UBASH3B: variants seen among roughly 807,000 people sequenced by gnomAD.
UBASH3B encodes ubiquitin-associated and SH3 domain-containing protein B.
A neutral mutation model predicts 83.4 loss-of-function variants in UBASH3B; 37 were observed. The observed-to-expected ratio is 0.44, with a 90% CI of 0.34 to 0.58. UBASH3B has a LOEUF of 0.58. UBASH3B is among the 20% of genes least tolerant of loss of function. The pLI is 0.01. For synonymous variants in UBASH3B, 304 were observed against 318.3 expected, an observed-to-expected ratio of 0.96 and a Z score of 0.48; for missense variants, 657 against 827.2, an observed-to-expected ratio of 0.79 and a Z score of 2.52.
chr11:122,656,679 C>T (rs1863369071), intron 1 of UBASH3B, among the ~76,000 whole-genome samples: 1 of 152,144 alleles, frequency 6.6e-6, no homozygotes, highest in Admixed American at 6.5e-5. Flanking sequence ...GGGAGGCCGG[C>T]GCCCCCGTTG....
chr11:122,760,217 G>A (rs1861347307), intron 1 of UBASH3B, among the ~76,000 whole-genome samples: 1 of 152,200 alleles, frequency 6.6e-6, no homozygotes, highest in Non-Finnish European at 1.5e-5. Flanking sequence ...CGCCTGGCTG[G>A]TAAGGGTGCC....
At chr11:122,702,528 G>GT (rs888469312) in intron 1 of UBASH3B, among the ~76,000 whole-genome samples, 444 of 143,628 alleles carry the variant, frequency 3.1e-3, no homozygotes, top group South Asian at 3.8e-3. Flanking sequence ...AAATCACCAG[G>GT]TTTTTTTTTT....
At chr11:122,732,228 G>A (rs567820526) in intron 1 of UBASH3B, among the ~76,000 whole-genome samples, 1 of 152,286 alleles carries the variant, frequency 6.6e-6, no homozygotes, top group East Asian at 1.9e-4. Flanking sequence ...GCCAGGGTCT[G>A]AGCTAAAAGC....
chr11:122,678,855 C>T (rs534781477), intron 1 of UBASH3B, among the ~76,000 whole-genome samples: 3 of 152,278 alleles, frequency 2.0e-5, no homozygotes, highest in Non-Finnish European at 2.9e-5. Flanking sequence ...CTAGTCCCAG[C>T]GTTTCGCCTG....
At chr11:122,801,425 C>T (rs1861257640) in intron 11 of UBASH3B, 93 bp downstream of exon 11, 1 of 1,437,082 alleles carries the variant, frequency 7.0e-7, no homozygotes, top group Admixed American at 2.0e-5. Flanking sequence ...CAGGGCTGGA[C>T]ATCACCTACA....
chr11:122,789,699 A>T (rs933561654), intron 6 of UBASH3B, among the ~76,000 whole-genome samples: 9 of 152,154 alleles, frequency 5.9e-5, no homozygotes, highest in Non-Finnish European at 1.3e-4. Flanking sequence ...CTACCCTGCC[A>T]TCCAGACCAA....
intron 9 of UBASH3B, among the ~76,000 whole-genome samples, chr11:122,798,450 C>A (rs891121763): frequency 1.2e-4 from 18 of 152,022 alleles, no homozygotes; most frequent in African/African-American, 3.9e-4. Flanking sequence ...TGGTGGCTCA[C>A]GCCTGTAATC....
Position 122,811,064 on chromosome 11 carries a change from A to C in UBASH3B, c.*1178A>C, listed in dbSNP as rs1861438985. ...TAATTTAAAATACATAGGTAGGGCT[A>C]CTGAGGAAATTTGGAGAGCCACATT... On this transcript the variant is annotated 3_prime_UTR_variant, in exon 14 of 14. Coordinates refer to ENST00000284273, the MANE Select transcript of UBASH3B (RefSeq NM_032873.5). 6.6e-6 allele frequency: 1 copy of C among 152,654 alleles called. No individual in the cohort carries two copies. The highest frequency in any genetic ancestry group is 1.5e-5 in the Non-Finnish European group (1 of 68,036). 9.5% of individuals were successfully genotyped at this position (152,654 alleles called of 1,614,324 possible). A position where few individuals can be genotyped will look rare whatever the true frequency, so the allele number is the denominator to read the frequency against.
At position 122,796,145 on chromosome 11, in the gene UBASH3B, T is replaced by G; in HGVS notation, c.1114-11T>G. 6.2e-7 allele frequency: 1 copy of G among 1,613,978 alleles called. No homozygotes were observed. The highest frequency in any genetic ancestry group is 1.1e-5 in the South Asian group (1 of 91,054). On this transcript the variant is annotated splice_polypyrimidine_tract_variant and intron_variant, in intron 7 of 13. Transcript: ENST00000284273. ...TGTGTGTCTTCACTAATAGCCTTTC[T>G]TTCTCTGCAGCCGCTGAGGGTCAAC...
Position 122,777,030 on chromosome 11 carries a change from C to A in UBASH3B, c.222C>A (p.Phe74Leu). 1.2e-6 allele frequency: 2 copies of A among 1,605,236 alleles called. No individual in the cohort carries two copies. The highest frequency in any genetic ancestry group is 1.7e-6 in the Non-Finnish European group (2 of 1,175,784). ...RSVQAACDWLFSHVGDPFLDD... is the reference protein window; with the variant it reads ...RSVQAACDWLLSHVGDPFLDD... ...GCTTACTTCTGTCTTACAGGTTATT[C>A]TCCCATGTCGGTGACCCCTTCCTGG... The change falls in exon 3 of 14, where the codon TTC (phenylalanine) becomes TTA (leucine). Residue 74 changes from phenylalanine to leucine, a missense_variant. Coordinates refer to ENST00000284273, the MANE Select transcript of UBASH3B (RefSeq NM_032873.5).
At chr11:122,725,119 G>A (rs1860711085) in intron 1 of UBASH3B, among the ~76,000 whole-genome samples, 2 of 121,098 alleles carry the variant, frequency 1.7e-5, no homozygotes, top group Admixed American at 1.1e-4. Context: ...ACAGGCACCC[G>A]TCACCATGCC....
chr11:122,674,795 C>T (rs1176038187), intron 1 of UBASH3B, among the ~76,000 whole-genome samples: 4 of 144,184 alleles, frequency 2.8e-5, no homozygotes, highest in Non-Finnish European at 4.5e-5. Flanking sequence ...GTGGCACAAT[C>T]GCAGCTCACT....
chr11:122,762,818 G>A (rs1860466748), intron 1 of UBASH3B, among the ~76,000 whole-genome samples: 2 of 152,230 alleles, frequency 1.3e-5, no homozygotes, highest in South Asian at 4.1e-4. Flanking sequence ...TGGGTCTTCT[G>A]GTCCCCAGTC....
chr11:122,696,159 A>G (rs183190670), intron 1 of UBASH3B, among the ~76,000 whole-genome samples: 2 of 151,750 alleles, frequency 1.3e-5, no homozygotes, highest in African/African-American at 4.8e-5. Flanking sequence ...CATGTTGGCC[A>G]GACTGGTCTT....
rs1348393249 is a variant in UBASH3B at position 122,812,065 on chromosome 11, A to G, written c.*2179A>G. The G allele has an allele frequency of 6.6e-6, 1 of 152,244 alleles. No homozygotes were observed. The highest frequency in any genetic ancestry group is 1.5e-5 in the Non-Finnish European group (1 of 68,052). 9.4% of individuals were successfully genotyped at this position (152,244 alleles called of 1,614,324 possible). On this transcript the variant is annotated 3_prime_UTR_variant, in exon 14 of 14. Transcript: ENST00000284273. ...TCCACTCCATCTTCTAGGTTATCTTAGTTGTATGACGAACTGATAAATCTG... is the reference window on the plus strand; with the variant it reads ...TCCACTCCATCTTCTAGGTTATCTTGGTTGTATGACGAACTGATAAATCTG...
chr11:122,782,795 G>C, intron 4 of UBASH3B: 1 of 397,082 alleles, frequency 2.5e-6, no homozygotes, highest in Non-Finnish European at 4.5e-6. Context: ...TTAACTAAAA[G>C]GACTGCCCTC....
At chr11:122,661,587 C>T (rs989299253) in intron 1 of UBASH3B, among the ~76,000 whole-genome samples, 9 of 152,182 alleles carry the variant, frequency 5.9e-5, no homozygotes, top group African/African-American at 1.9e-4. Flanking sequence ...CTCTAATCTA[C>T]CTGCTGTGAC....
At chr11:122,719,810 C>G (rs1035343299) in intron 1 of UBASH3B, among the ~76,000 whole-genome samples, 1 of 152,176 alleles carries the variant, frequency 6.6e-6, no homozygotes, top group Non-Finnish European at 1.5e-5. Context: ...TCACTAATGG[C>G]CACAGTAGTG....
chr11:122,794,810 T>A lies in UBASH3B; in HGVS notation c.1089T>A (p.Leu363=). 7 of 1,613,872 alleles carry A rather than the reference T, an allele frequency of 4.3e-6. No individual in the cohort carries two copies. The highest frequency in any genetic ancestry group is 5.9e-6 in the Non-Finnish European group (7 of 1,179,932). ...AGGGGCTCGGGGAGACGACTCCTCT[T>A]ACTATCATCTGCCAGCCCATGCAGG... ...EDQGLGETTP[L]TIICQPMQPL... Residue 363 remains leucine (L), a synonymous_variant, in exon 7 of 14, where the codon CTT becomes CTA. Coordinates refer to ENST00000284273, the MANE Select transcript of UBASH3B (RefSeq NM_032873.5).
Sources: allele counts gnomAD v4.1 joint callset (sites outside exome capture counted in the v4.1 genomes callset), GRCh38; gene constraint gnomAD v4.1.1; transcripts MANE v1.5; gene names NCBI Gene and HGNC (gene_info 2026-07-23, HGNC 2026-07-21).